Variants in SEC14L1 observed in about 807,000 individuals in gnomAD.
SEC14L1 encodes SEC14 like lipid binding 1.
In SEC14L1, 48 loss-of-function variants were observed where a neutral mutation model predicts 85.3. That is an observed-to-expected ratio of 0.56 (90% CI 0.45 to 0.72). The LOEUF is 0.72. SEC14L1 is among the 30% of genes least tolerant of loss of function. The probability of loss-of-function intolerance (pLI) is 0.00; values close to 1 mark genes in which losing one functional copy is unlikely to be tolerated. For missense variants in SEC14L1, 682 were observed against 921.4 expected (o/e 0.74, Z 3.36); for synonymous variants, 391 against 355.5 (o/e 1.10, Z -1.12).
At chr17:77,096,325 G>A (rs931830694) in intron 3 of SEC14L1, among the ~76,000 whole-genome samples, 2 of 142,346 alleles carry the variant, frequency 1.4e-5, no homozygotes, top group Non-Finnish European at 3.1e-5. Context: ...TTTGGGCCAA[G>A]GCAGGCGGAT....
intron 3 of SEC14L1, among the ~76,000 whole-genome samples, chr17:77,134,877 A>G (rs535604883): frequency 6.6e-6 from 1 of 152,358 alleles, no homozygotes; most frequent in South Asian, 2.1e-4. Context: ...GACAGGCGGT[A>G]GCCACCGTGT....
At chr17:77,186,150 A>G (rs1319313838) in intron 3 of SEC14L1, among the ~76,000 whole-genome samples, 4 of 152,076 alleles carry the variant, frequency 2.6e-5, no homozygotes, top group African/African-American at 9.7e-5. Context: ...TGCTCCCTCC[A>G]TCCCAGCTCC....
chr17:77,208,044 T>C (rs1221009981), intron 13 of SEC14L1, among the ~76,000 whole-genome samples: 1 of 152,212 alleles, frequency 6.6e-6, no homozygotes, highest in Non-Finnish European at 1.5e-5. Context: ...AAGGGCTCTC[T>C]AGTCATCCTT....
intron 3 of SEC14L1, among the ~76,000 whole-genome samples, chr17:77,183,016 G>C (rs1350146612): frequency 6.6e-6 from 1 of 152,252 alleles, no homozygotes; most frequent in Non-Finnish European, 1.5e-5. Flanking sequence ...ACCTCGACCA[G>C]AGCTTCGGGC....
In SEC14L1 at chr17:77,164,424, C is replaced by T. The variant is rs368011603; in HGVS notation, c.63+20765C>T. 7.2e-5 allele frequency among the ~76,000 whole-genome samples: 11 copies of T among 152,322 alleles called. No individual in the cohort carries two copies. The South Asian group carries it at 2.3e-3, about 32-fold the overall frequency. On this transcript the variant is annotated intron_variant, in intron 3 of 16. Transcript: ENST00000436233. The stretch of plus-strand genomic sequence containing the variant: ...TCCCAATTTCCCCCCACCTCTTTTC[C>T]CTTTTGCTCTGTCTGGTGTGATCCG...
chr17:77,216,770 G>A lies in SEC14L1; in HGVS notation c.*2747G>A. On this transcript the variant is annotated 3_prime_UTR_variant, in exon 17 of 17. Coordinates refer to ENST00000436233, the MANE Select transcript of SEC14L1 (RefSeq NM_001143998.2). ...CACATGACCGCACAAATGCTTACAG[G>A]GTTTCCTCCCGAGTAATCCAATCTC... 1 of 855,756 alleles carries A rather than the reference G, an allele frequency of 1.2e-6. No individual in the cohort carries two copies. Among genetic ancestry groups the A allele is most frequent in the Non-Finnish European group, 1.8e-6 (1 of 566,776 alleles). The allele number at this position is 855,756 out of a possible 1,614,324, so 53.0% of individuals were successfully genotyped here.
chr17:77,105,377 C>T (rs1252135661), intron 3 of SEC14L1, among the ~76,000 whole-genome samples: 1 of 102,302 alleles, frequency 9.8e-6, no homozygotes, highest in East Asian at 3.7e-4. Flanking sequence ...CTGACCACCC[C>T]CCCCCCCACC....
At chr17:77,102,584 A>G (rs1053647595) in intron 3 of SEC14L1, among the ~76,000 whole-genome samples, 3 of 150,908 alleles carry the variant, frequency 2.0e-5, no homozygotes, top group African/African-American at 4.9e-5. Flanking sequence ...GCTCACTGCA[A>G]CCTCCCCCTC....
chr17:77,146,248 G>T (rs866810818), intron 3 of SEC14L1, among the ~76,000 whole-genome samples: 5 of 152,286 alleles, frequency 3.3e-5, no homozygotes, highest in South Asian at 4.1e-4. Context: ...CCCACGGCCC[G>T]GGGTGGACAC....
intron 2 of SEC14L1, chr17:77,089,733 C>T: frequency 3.7e-6 from 1 of 267,732 alleles, no homozygotes; most frequent in South Asian, 3.3e-5. Flanking sequence ...GGGCATAATT[C>T]AGCCAGGTGC....
chr17:77,121,399 C>T (rs1972292810), intron 3 of SEC14L1, among the ~76,000 whole-genome samples: 1 of 152,094 alleles, frequency 6.6e-6, no homozygotes, highest in African/African-American at 2.4e-5. Context: ...TCCTCTGTCA[C>T]CCAGGCTGGA....
At chr17:77,110,849 G>A (rs1353922158) in intron 3 of SEC14L1, among the ~76,000 whole-genome samples, 1 of 135,432 alleles carries the variant, frequency 7.4e-6, no homozygotes, top group African/African-American at 2.8e-5. Context: ...CTGCACTCCA[G>A]CTTGGGCGAC....
intron 3 of SEC14L1, among the ~76,000 whole-genome samples, chr17:77,166,552 A>G (rs1974290328): frequency 6.6e-6 from 1 of 152,146 alleles, no homozygotes; most frequent in African/African-American, 2.4e-5. Context: ...GATGAGACCT[A>G]TTAAGGGCCG....
chr17:77,116,645 T>C (rs545535897), intron 3 of SEC14L1, among the ~76,000 whole-genome samples: 278 of 152,322 alleles, frequency 1.8e-3, no homozygotes, highest in Admixed American at 3.4e-3. Flanking sequence ...TTCATCATTG[T>C]TTGCATATTG....
chr17:77,108,230 A>G (rs369185336), intron 3 of SEC14L1, among the ~76,000 whole-genome samples: 5 of 152,286 alleles, frequency 3.3e-5, no homozygotes, highest in African/African-American at 7.2e-5. Flanking sequence ...TCTCGGCACT[A>G]TCTGAGCTCC....
intron 3 of SEC14L1, among the ~76,000 whole-genome samples, chr17:77,131,564 C>T (rs1384939885): frequency 6.6e-6 from 1 of 152,190 alleles, no homozygotes; most frequent in African/African-American, 2.4e-5. Context: ...GCCACCACAC[C>T]CAGCTGTAGT....
intron 3 of SEC14L1, among the ~76,000 whole-genome samples, chr17:77,111,886 C>A (rs1009593721): frequency 6.6e-6 from 1 of 152,122 alleles, no homozygotes; most frequent in Non-Finnish European, 1.5e-5. Context: ...GTTAGAAAGG[C>A]ATGATTGTGT....
upstream of SEC14L1, among the ~76,000 whole-genome samples, chr17:77,138,903 GTATAA>G (rs1972873390): frequency 6.6e-6 from 1 of 152,130 alleles, no homozygotes; most frequent in Non-Finnish European, 1.5e-5. Context: ...TTTAACTGAA[GTATAA>G]TATACATATA....
In SEC14L1 at chr17:77,190,888, G is replaced by C; in HGVS notation, c.149G>C (p.Gly50Ala). The C allele has an allele frequency of 6.2e-7, 1 of 1,614,196 alleles. No homozygotes were observed. Among genetic ancestry groups the C allele is most frequent in the African/African-American group, 1.3e-5 (1 of 75,048 alleles). Residue 50 changes from glycine (G) to alanine (A), a missense_variant, in exon 4 of 17, where the codon GGG becomes GCG. Gly to Ala is a moderately conservative substitution (Grantham distance 60, BLOSUM62 0). Transcript: ENST00000436233. ...DTVNEFKSEDGAIHVIERRCK... is the reference protein window; with the variant it reads ...DTVNEFKSEDAAIHVIERRCK... ...GTGAATGAATTCAAGAGCGAAGATG[G>C]GGCTATTCATGTCATTGAAAGGCGC...
Sources: allele counts gnomAD v4.1 joint callset (sites outside exome capture counted in the v4.1 genomes callset), GRCh38; gene constraint gnomAD v4.1.1; transcripts MANE v1.5; gene names NCBI Gene and HGNC (gene_info 2026-07-23, HGNC 2026-07-21).